TTLL5: variants seen among roughly 807,000 people sequenced by gnomAD.
TTLL5 encodes the protein tubulin polyglutamylase TTLL5.
TTLL5 carries 132 observed loss-of-function variants against 168.4 expected under a neutral mutation model. The ratio of observed to expected loss-of-function variants is 0.78; its 90% CI spans 0.68 to 0.91. The LOEUF (loss-of-function observed/expected upper bound fraction) is 0.91, where lower values mean the gene tolerates loss of function less well. Among genes scored for constraint, TTLL5 ranks in the 40% least tolerant of loss-of-function variants. The pLI, the probability that TTLL5 is intolerant of heterozygous loss-of-function variation, is 0.00. For missense variants in TTLL5, 1,545 were observed against 1,581.5 expected, an observed-to-expected ratio of 0.98 and a Z score of 0.39; for synonymous variants, 546 against 558.6, an observed-to-expected ratio of 0.98 and a Z score of 0.32.
At chr14:75,771,911 A>AT (rs57636956) in intron 21 of TTLL5, 57 bp downstream of exon 21, 31,513 of 1,302,298 alleles carry the variant, frequency 0.024, 36 homozygotes, top group Middle Eastern at 0.037. Flanking sequence ...TTCTTTCTGT[A>AT]TTTTTTTTTT....
intron 26 of TTLL5, 80 bp from the exon 27 acceptor site, chr14:75,792,836 C>T (rs903033645): frequency 4.3e-5 from 56 of 1,289,724 alleles, no homozygotes; most frequent in Non-Finnish European, 5.6e-5. Context: ...TATCTGTTGA[C>T]CTGAGATTTC....
At chr14:75,869,063 T>TGTGTGTGTGTGTGTGTGTGTG (rs58193518) in intron 29 of TTLL5, among the ~76,000 whole-genome samples, 3 of 148,470 alleles carry the variant, frequency 2.0e-5, no homozygotes, top group African/African-American at 5.0e-5. Context: ...TGTGTGTGTG[T>TGTGTGTGTGTGTGTGTGTGTG]TTAAGTTCCA....
chr14:75,669,142 A>T (rs1323924325), intron 2 of TTLL5, among the ~76,000 whole-genome samples: 1 of 152,206 alleles, frequency 6.6e-6, no homozygotes. Flanking sequence ...ATGGGCTCCA[A>T]TTGGTTTATG....
intron 28 of TTLL5, among the ~76,000 whole-genome samples, chr14:75,856,113 A>G (rs910976100): frequency 7.9e-5 from 12 of 152,256 alleles, no homozygotes; most frequent in Non-Finnish European, 1.3e-4. Flanking sequence ...CTGTAATCCC[A>G]GCACTTTGGG....
intron 31 of TTLL5, among the ~76,000 whole-genome samples, chr14:75,927,793 C>T (rs1248392289): frequency 6.6e-6 from 1 of 152,194 alleles, no homozygotes; most frequent in Non-Finnish European, 1.5e-5. Context: ...CTGTTGCTTT[C>T]GTCAGCACAG....
chr14:75,813,217 T>TGTGTGTGTGC (rs1435355180), intron 27 of TTLL5, among the ~76,000 whole-genome samples: 3 of 150,522 alleles, frequency 2.0e-5, no homozygotes, highest in African/African-American at 7.3e-5. Context: ...TGTGTGTGTG[T>TGTGTGTGTGC]GTGTGTGTTT....
At chr14:75,918,015 T>C (rs1253053226) in intron 31 of TTLL5, among the ~76,000 whole-genome samples, 1 of 152,268 alleles carries the variant, frequency 6.6e-6, no homozygotes, top group Non-Finnish European at 1.5e-5. Context: ...GCTCTCTTTC[T>C]GCTCTACTAA....
intron 27 of TTLL5, among the ~76,000 whole-genome samples, chr14:75,793,607 G>T (rs1566607154): frequency 6.6e-6 from 1 of 152,142 alleles, no homozygotes; most frequent in Non-Finnish European, 1.5e-5. Context: ...ACAGATGGGG[G>T]AACCTGAGGC....
At chr14:75,804,276 A>T (rs1370739385) in intron 27 of TTLL5, among the ~76,000 whole-genome samples, 2 of 152,240 alleles carry the variant, frequency 1.3e-5, no homozygotes, top group Non-Finnish European at 2.9e-5. Flanking sequence ...GCGGAGGTAC[A>T]TAAAGCTTGA....
rs545727235 is a variant in TTLL5, at chr14:75,679,154, A to T, written c.182-2391A>T. On this transcript the variant is annotated intron_variant, in intron 3 of 31. Coordinates refer to ENST00000298832, the MANE Select transcript of TTLL5 (RefSeq NM_015072.5). Reference sequence around the variant, plus strand: ...TGGCATAGGATGAATTAAGGTTTAGATGGAATTAAAGTTGCTAATCAACTG... The same window carrying T: ...TGGCATAGGATGAATTAAGGTTTAGTTGGAATTAAAGTTGCTAATCAACTG... Among the ~76,000 whole-genome samples, 7 of 152,340 alleles carry T rather than the reference A, an allele frequency of 4.6e-5. No individual in the cohort carries two copies. The South Asian group carries it at 1.4e-3, about 32-fold the overall frequency.
intron 21 of TTLL5, among the ~76,000 whole-genome samples, chr14:75,772,890 C>T (rs762088536): frequency 1.3e-5 from 2 of 152,094 alleles, no homozygotes; most frequent in Non-Finnish European, 2.9e-5. Flanking sequence ...TGGTCTCAAG[C>T]TCCTGATCTC....
chr14:75,773,474 A>G (rs552024937), intron 21 of TTLL5, among the ~76,000 whole-genome samples: 1 of 152,332 alleles, frequency 6.6e-6, no homozygotes, highest in African/African-American at 2.4e-5. Flanking sequence ...AATAGTTCAA[A>G]AAAGAATAAC....
chr14:75,775,281 A>C (rs1338368421), intron 21 of TTLL5, among the ~76,000 whole-genome samples: 1 of 152,120 alleles, frequency 6.6e-6, no homozygotes, highest in African/African-American at 2.4e-5. Context: ...CAGCTGATTG[A>C]GGGAAGGGAA....
At chr14:75,817,598 A>G (rs1894506593) in intron 27 of TTLL5, among the ~76,000 whole-genome samples, 1 of 152,166 alleles carries the variant, frequency 6.6e-6, no homozygotes. Context: ...TAGGGAAAAA[A>G]AATCATAATT....
At chr14:75,735,323 G>A (rs1476378176) in intron 15 of TTLL5, 34 bp downstream of exon 15, 2 of 1,604,884 alleles carry the variant, frequency 1.2e-6, no homozygotes, top group Admixed American at 3.3e-5. Flanking sequence ...GCCTGAAGGA[G>A]GCTTACTGGG....
chr14:75,686,978 C>A (rs1594870397), intron 5 of TTLL5, among the ~76,000 whole-genome samples: 1 of 152,108 alleles, frequency 6.6e-6, no homozygotes, highest in African/African-American at 2.4e-5. Context: ...GCTAGAATTT[C>A]TTTCACAGGT....
chr14:75,827,509 G>A (rs532394351), intron 28 of TTLL5, among the ~76,000 whole-genome samples: 19 of 152,192 alleles, frequency 1.2e-4, no homozygotes, highest in Non-Finnish European at 2.1e-4. Flanking sequence ...CAGTGTATGA[G>A]AGCTTAGGGA....
intron 31 of TTLL5, among the ~76,000 whole-genome samples, chr14:75,941,127 T>C (rs1009362132): frequency 3.9e-5 from 6 of 152,244 alleles, no homozygotes; most frequent in African/African-American, 1.4e-4. Flanking sequence ...TTGGTGGTGC[T>C]GCTGTAGTCA....
intron 28 of TTLL5, among the ~76,000 whole-genome samples, chr14:75,844,407 C>T (rs1477382372): frequency 6.6e-6 from 1 of 151,644 alleles, no homozygotes; most frequent in Admixed American, 6.6e-5. Context: ...TTTAGTATTT[C>T]TAAAACAAAG....
Sources: allele counts gnomAD v4.1 joint callset (sites outside exome capture counted in the v4.1 genomes callset), GRCh38; gene constraint gnomAD v4.1.1; transcripts MANE v1.5; gene names NCBI Gene and HGNC (gene_info 2026-07-23, HGNC 2026-07-21).